PDZRN4: variants seen among roughly 807,000 people sequenced by gnomAD.
The protein encoded by PDZRN4 is PDZ domain containing ring finger 4.
A neutral mutation model predicts 99.0 loss-of-function variants in PDZRN4; 70 were observed. That is an observed-to-expected ratio of 0.71 (90% CI 0.58 to 0.86). The LOEUF is 0.86. Among genes scored for constraint, PDZRN4 ranks in the 40% least tolerant of loss-of-function variants. The pLI, the probability that PDZRN4 is intolerant of heterozygous loss-of-function variation, is 0.00. For missense variants in PDZRN4, 1,474 were observed against 1,331.2 expected, an observed-to-expected ratio of 1.11 and a Z score of -1.67; for synonymous variants, 551 against 501.6, an observed-to-expected ratio of 1.10 and a Z score of -1.32.
At chr12:41,433,501 T>C (rs1223447769) in intron 3 of PDZRN4, among the ~76,000 whole-genome samples, 2 of 152,218 alleles carry the variant, frequency 1.3e-5, no homozygotes, top group Non-Finnish European at 2.9e-5. Flanking sequence ...AAGTATCTCC[T>C]GAAATGAATG....
At chr12:41,499,531 G>T (rs750105927) in intron 3 of PDZRN4, among the ~76,000 whole-genome samples, 1 of 152,042 alleles carries the variant, frequency 6.6e-6, no homozygotes, top group Admixed American at 6.6e-5. Context: ...AAGCTTAAAA[G>T]AGAAGTGTGA....
chr12:41,473,415 C>T (rs991197643), intron 3 of PDZRN4: 4 of 152,124 alleles, frequency 2.6e-5, no homozygotes, highest in African/African-American at 9.7e-5. Flanking sequence ...GGATTGTGCT[C>T]AGGTGCTGGG....
intron 3 of PDZRN4, among the ~76,000 whole-genome samples, chr12:41,335,684 C>T (rs1951768187): frequency 6.6e-6 from 1 of 152,004 alleles, no homozygotes; most frequent in South Asian, 2.1e-4. Flanking sequence ...ACTTTGTGGA[C>T]TTCTGCTCAG....
intron 3 of PDZRN4, among the ~76,000 whole-genome samples, chr12:41,285,264 T>C (rs1951415693): frequency 6.6e-6 from 1 of 152,162 alleles, no homozygotes; most frequent in Non-Finnish European, 1.5e-5. Flanking sequence ...AAGAAGCTCA[T>C]CACTGGTCAT....
intron 3 of PDZRN4, among the ~76,000 whole-genome samples, chr12:41,282,551 A>G (rs1591996510): frequency 6.6e-6 from 1 of 152,254 alleles, no homozygotes; most frequent in Non-Finnish European, 1.5e-5. Context: ...CTCTTCACCC[A>G]AAATCAACAG....
At chr12:41,507,506 A>G (rs771935805) in intron 4 of PDZRN4, among the ~76,000 whole-genome samples, 1 of 152,150 alleles carries the variant, frequency 6.6e-6, no homozygotes, top group Non-Finnish European at 1.5e-5. Flanking sequence ...TTCATAAAAC[A>G]AAGATCTGAG....
chr12:41,319,892 G>T (rs935963970), intron 3 of PDZRN4, among the ~76,000 whole-genome samples: 1 of 152,190 alleles, frequency 6.6e-6, no homozygotes, highest in Non-Finnish European at 1.5e-5. Context: ...ACCTATGGTA[G>T]CCCTACCCTT....
intron 3 of PDZRN4, among the ~76,000 whole-genome samples, chr12:41,217,518 G>GCT (rs1183222248): frequency 6.6e-6 from 1 of 152,022 alleles, no homozygotes; most frequent in African/African-American, 2.4e-5. Context: ...AAAATAGCAG[G>GCT]TTTCAGAGAT....
intron 3 of PDZRN4, among the ~76,000 whole-genome samples, chr12:41,322,787 C>T (rs547509537): frequency 7.2e-5 from 11 of 152,082 alleles, no homozygotes; most frequent in Middle Eastern, 3.4e-3. Flanking sequence ...TGAGCCACCG[C>T]GCCGGGCAAA....
intron 3 of PDZRN4, among the ~76,000 whole-genome samples, chr12:41,402,156 ATATATATATATACACACTGAG>A (rs1419131867): frequency 4.4e-5 from 3 of 68,252 alleles, no homozygotes; most frequent in African/African-American, 1.7e-4. Context: ...CACTGAGTAT[ATATATATATATACACACTGAG>A]TATATATATA....
chr12:41,288,840 A>G (rs1185013065), intron 3 of PDZRN4, among the ~76,000 whole-genome samples: 3 of 152,108 alleles, frequency 2.0e-5, no homozygotes, highest in Non-Finnish European at 4.4e-5. Context: ...ACTTTGTTAA[A>G]CTATCCAAGC....
At chr12:41,282,559 C>G (rs1486302973) in intron 3 of PDZRN4, among the ~76,000 whole-genome samples, 2 of 152,200 alleles carry the variant, frequency 1.3e-5, no homozygotes, top group Non-Finnish European at 2.9e-5. Context: ...CCAAAATCAA[C>G]AGAATATGCA....
chr12:41,313,881 C>G (rs1006536205), intron 3 of PDZRN4, among the ~76,000 whole-genome samples: 2 of 152,148 alleles, frequency 1.3e-5, no homozygotes, highest in African/African-American at 4.8e-5. Context: ...AAATCTTGGT[C>G]AATTTTGAAG....
intron 5 of PDZRN4, among the ~76,000 whole-genome samples, chr12:41,521,348 A>C (rs751708006): frequency 1.6e-4 from 24 of 152,092 alleles, no homozygotes; most frequent in Non-Finnish European, 2.8e-4. Context: ...GTAGGAATGA[A>C]GGATTCTATA....
chr12:41,489,979 G>A (rs957384331), intron 3 of PDZRN4, among the ~76,000 whole-genome samples: 4 of 151,708 alleles, frequency 2.6e-5, no homozygotes, highest in African/African-American at 9.7e-5. Context: ...CCTATATACT[G>A]TACAGTGATT....
At chr12:41,495,205 A>C (rs1185954314) in intron 3 of PDZRN4, among the ~76,000 whole-genome samples, 1 of 152,060 alleles carries the variant, frequency 6.6e-6, no homozygotes, top group East Asian at 1.9e-4. Context: ...TGGAACAGTT[A>C]CCCAATTGGC....
chr12:41,526,737 C>T (rs1396797474), intron 5 of PDZRN4, among the ~76,000 whole-genome samples: 4 of 152,156 alleles, frequency 2.6e-5, no homozygotes, highest in African/African-American at 9.7e-5. Flanking sequence ...TTTGCTGCTT[C>T]ACAGTCTAAT....
chr12:41,457,491 T>C (rs1952826059), intron 3 of PDZRN4, among the ~76,000 whole-genome samples: 1 of 152,226 alleles, frequency 6.6e-6, no homozygotes, highest in African/African-American at 2.4e-5. Flanking sequence ...TTAAATTTTT[T>C]TGAAGCTTCA....
At chr12:41,451,102 T>C (rs987716919) in intron 3 of PDZRN4, among the ~76,000 whole-genome samples, 2 of 151,972 alleles carry the variant, frequency 1.3e-5, no homozygotes, top group African/African-American at 2.4e-5. Flanking sequence ...GTTAATAGAA[T>C]TGAGAGAAAG....
Sources: allele counts gnomAD v4.1 joint callset (sites outside exome capture counted in the v4.1 genomes callset), GRCh38; gene constraint gnomAD v4.1.1; transcripts MANE v1.5; gene names NCBI Gene and HGNC (gene_info 2026-07-23, HGNC 2026-07-21).